The following CLVS1 variants were observed in gnomAD, a reference collection of about 807,000 sequenced individuals.
The protein encoded by CLVS1 is clavesin-1.
In CLVS1, 10 loss-of-function variants were observed where a neutral mutation model predicts 33.1. That is an observed-to-expected ratio of 0.30 (90% CI 0.19 to 0.51). The LOEUF is 0.51. Ranked by LOEUF, CLVS1 falls within the 20% of genes least tolerant of loss-of-function variation. The pLI is 0.97. For missense variants in CLVS1, 343 were observed against 433.4 expected (o/e 0.79, Z 1.85); for synonymous variants, 163 against 166.1 (o/e 0.98, Z 0.14).
At chr8:61,162,534 C>G (rs899791025) in intron 2 of CLVS1, among the ~76,000 whole-genome samples, 45 of 152,210 alleles carry the variant, frequency 3.0e-4, no homozygotes, top group Non-Finnish European at 3.2e-4. Context: ...TCTATGAATT[C>G]CAGTTGAATG....
chr8:61,266,167 G>A lies in CLVS1; in HGVS notation c.-151-33510G>A, dbSNP rs553259376. On this transcript the variant is annotated intron_variant, in intron 2 of 2. Coordinates refer to the CLVS1 transcript ENST00000522621. ...AAGTTGAGAAATCCCTTTACCCTTTGTGTCCTGGGAAACAGCTTACTTTAA... is the reference window on the plus strand; with the variant it reads ...AAGTTGAGAAATCCCTTTACCCTTTATGTCCTGGGAAACAGCTTACTTTAA... Among the ~76,000 whole-genome samples the A allele has an allele frequency of 3.9e-5, 6 of 152,110 alleles. No individual in the cohort carries two copies. In the South Asian group the frequency reaches 1.0e-3, roughly 26 times the overall value.
intron 1 of CLVS1, among the ~76,000 whole-genome samples, chr8:61,060,293 A>C (rs1804560900): frequency 6.6e-6 from 1 of 152,130 alleles, no homozygotes; most frequent in Non-Finnish European, 1.5e-5. Flanking sequence ...ACATTTCTTG[A>C]GCACCCAATC....
chr8:61,300,423 G>A, intron 2 of CLVS1, 141 bp downstream of exon 2: 1 of 727,254 alleles, frequency 1.4e-6, no homozygotes. Context: ...TTAGGCCACA[G>A]GTGTGCTGTC....
At chr8:61,442,896 G>A (rs927227452) in intron 3 of CLVS1, among the ~76,000 whole-genome samples, 12 of 152,138 alleles carry the variant, frequency 7.9e-5, no homozygotes, top group African/African-American at 2.7e-4. Flanking sequence ...ACTGTGCCTG[G>A]CCGGAGGTGT....
chr8:61,225,772 C>G (rs988102020), intron 2 of CLVS1, among the ~76,000 whole-genome samples: 1 of 152,170 alleles, frequency 6.6e-6, no homozygotes, highest in Non-Finnish European at 1.5e-5. Flanking sequence ...ATGGTCTGAG[C>G]CACTTACCTG....
chr8:61,363,605 AAC>A (rs1168130524), intron 2 of CLVS1, among the ~76,000 whole-genome samples: 1 of 152,230 alleles, frequency 6.6e-6, no homozygotes, highest in African/African-American at 2.4e-5. Flanking sequence ...TAACTCTCCA[AAC>A]ACACAGAACT....
At chr8:61,137,023 G>A (rs899764579) in intron 2 of CLVS1, among the ~76,000 whole-genome samples, 8 of 152,216 alleles carry the variant, frequency 5.3e-5, no homozygotes, top group African/African-American at 1.4e-4. Context: ...GTACAATGGG[G>A]TGTACGAAAG....
At chr8:61,166,250 C>T (rs1015033573) in intron 2 of CLVS1, among the ~76,000 whole-genome samples, 3 of 152,058 alleles carry the variant, frequency 2.0e-5, no homozygotes, top group Non-Finnish European at 4.4e-5. Context: ...GCCTCATCCT[C>T]CCAAGTACCT....
At chr8:61,013,946 C>T in the CLVS1 span, among the ~76,000 whole-genome samples, 1 of 143,000 alleles carries the variant, frequency 7.0e-6, no homozygotes, top group Non-Finnish European at 1.6e-5. Flanking sequence ...AGGCCTCGGG[C>T]CTCCTGGGGG....
chr8:61,123,713 G>A lies in CLVS1; in HGVS notation c.-242-8057G>A, dbSNP rs1805920156. On this transcript the variant is annotated intron_variant, in intron 1 of 2. Coordinates refer to the CLVS1 transcript ENST00000522621. ...AGTTTTGTACATTTCAGGTCAGTCG[G>A]TGTGCATGGACTAAAGCCTGTGGAG... 2.6e-5 allele frequency among the ~76,000 whole-genome samples: 4 copies of A among 152,320 alleles called. No homozygotes were observed. In the South Asian group the frequency reaches 8.3e-4, roughly 32 times the overall value.
chr8:61,267,169 C>G (rs1809325380), intron 2 of CLVS1, among the ~76,000 whole-genome samples: 1 of 152,230 alleles, frequency 6.6e-6, no homozygotes, highest in East Asian at 1.9e-4. Context: ...CTGTTACCCA[C>G]TCAGTCCTTC....
intron 1 of CLVS1, among the ~76,000 whole-genome samples, chr8:61,074,479 A>G (rs1804871872): frequency 6.8e-6 from 1 of 146,660 alleles, no homozygotes; most frequent in Admixed American, 6.9e-5. Context: ...ATATATATAT[A>G]AGTATATGTG....
intron 2 of CLVS1, among the ~76,000 whole-genome samples, chr8:61,356,555 G>C (rs914055261): frequency 1.3e-5 from 2 of 151,410 alleles, no homozygotes; most frequent in Non-Finnish European, 2.9e-5. Context: ...TAGGTCTAAC[G>C]TTTAAGTCTT....
At chr8:61,439,270 G>T (rs760141441) in intron 3 of CLVS1, among the ~76,000 whole-genome samples, 1 of 152,186 alleles carries the variant, frequency 6.6e-6, no homozygotes, top group Non-Finnish European at 1.5e-5. Flanking sequence ...ATCATCATCT[G>T]TTAACCACTT....
chr8:61,438,851 C>T (rs919535843), intron 3 of CLVS1, among the ~76,000 whole-genome samples: 6 of 152,056 alleles, frequency 3.9e-5, no homozygotes, highest in African/African-American at 9.7e-5. Flanking sequence ...AAGAGTGTTG[C>T]GTGAGATAAT....
chr8:61,312,727 G>A (rs1240213118), intron 2 of CLVS1, among the ~76,000 whole-genome samples: 1 of 152,192 alleles, frequency 6.6e-6, no homozygotes, highest in East Asian at 1.9e-4. Context: ...TGAAGGAGAT[G>A]TTGTTATTCT....
At chr8:61,333,730 A>G (rs899187922) in intron 2 of CLVS1, among the ~76,000 whole-genome samples, 10 of 152,180 alleles carry the variant, frequency 6.6e-5, no homozygotes, top group Non-Finnish European at 1.3e-4. Context: ...TTTTAAGTTC[A>G]GGGCTACGTG....
intron 3 of CLVS1, among the ~76,000 whole-genome samples, chr8:61,440,461 G>T (rs1245824882): frequency 1.3e-5 from 2 of 152,154 alleles, no homozygotes; most frequent in Non-Finnish European, 2.9e-5. Flanking sequence ...TATTTGTGTG[G>T]TTCAAATTTA....
chr8:61,182,857 T>C (rs1807266133), intron 2 of CLVS1, among the ~76,000 whole-genome samples: 1 of 150,752 alleles, frequency 6.6e-6, no homozygotes, highest in African/African-American at 2.4e-5. Context: ...TGTATGTTTA[T>C]TGCAGCACTA....
Sources: gnomAD v4.1 joint callset for allele counts (sites outside exome capture counted in the v4.1 genomes callset) on GRCh38, gnomAD v4.1.1 for gene constraint, MANE v1.5 for transcripts, NCBI Gene and HGNC (gene_info 2026-07-23, HGNC 2026-07-21) for gene names.